The following CSMD1 variants were observed in gnomAD, a reference collection of about 807,000 sequenced individuals.
The protein encoded by CSMD1 is CUB and Sushi multiple domains 1, also known as CUB and sushi domain-containing protein 1.
Under a neutral mutation model 417.5 loss-of-function variants are expected in CSMD1, and 213 were observed. The ratio of observed to expected loss-of-function variants is 0.51; its 90% CI spans 0.46 to 0.57. CSMD1 has a LOEUF of 0.57. Ranked by LOEUF, CSMD1 falls within the 20% of genes least tolerant of loss-of-function variation. The pLI is 0.00. For missense variants in CSMD1, 6,923 were observed against 4,529.7 expected (o/e 1.53, Z -15.17); for synonymous variants, 2,862 against 1,736.8 (o/e 1.65, Z -16.11).
At chr8:4,802,360 T>TGC (rs1298214330) in intron 1 of CSMD1, among the ~76,000 whole-genome samples, 5 of 151,744 alleles carry the variant, frequency 3.3e-5, no homozygotes, top group Admixed American at 2.6e-4. Context: ...CGCGTGTGTG[T>TGC]GTGTGTGTGT....
intron 3 of CSMD1, among the ~76,000 whole-genome samples, chr8:4,330,589 C>CAAAAAA (rs34787742): frequency 2.1e-5 from 3 of 143,654 alleles, no homozygotes; most frequent in Admixed American, 6.9e-5. Flanking sequence ...AACCCTGTCT[C>CAAAAAA]AAAAAAAAAA....
At chr8:4,054,916 G>A (rs971357336) in intron 3 of CSMD1, among the ~76,000 whole-genome samples, 29 of 152,046 alleles carry the variant, frequency 1.9e-4, no homozygotes, top group Non-Finnish European at 2.9e-4. Context: ...GAGCTCTGGG[G>A]TTTCTCTTTT....
intron 26 of CSMD1, among the ~76,000 whole-genome samples, chr8:3,244,763 TA>T (rs1436656971): frequency 6.6e-6 from 1 of 152,170 alleles, no homozygotes; most frequent in Admixed American, 6.5e-5. Context: ...TATAAAGTAA[TA>T]AGCGGAAATC....
At chr8:3,934,884 T>C (rs1810378552) in intron 5 of CSMD1, among the ~76,000 whole-genome samples, 1 of 151,956 alleles carries the variant, frequency 6.6e-6, no homozygotes, top group Non-Finnish European at 1.5e-5. Context: ...AAACAATTGG[T>C]ATATCTGTTT....
chr8:4,633,980 C>A (rs13261335), intron 2 of CSMD1, among the ~76,000 whole-genome samples: 28,368 of 148,594 alleles, frequency 0.19, 2,832 homozygotes, highest in Non-Finnish European at 0.22. Flanking sequence ...AAAACAGCAA[C>A]CACCTGACAG....
At chr8:3,595,285 G>C (rs1287133975) in intron 8 of CSMD1, among the ~76,000 whole-genome samples, 1 of 152,186 alleles carries the variant, frequency 6.6e-6, no homozygotes, top group Non-Finnish European at 1.5e-5. Flanking sequence ...GACTTGCTCA[G>C]CATTCCAGAA....
chr8:4,052,130 G>A (rs1461924896), intron 3 of CSMD1, among the ~76,000 whole-genome samples: 3 of 151,870 alleles, frequency 2.0e-5, no homozygotes, highest in Non-Finnish European at 2.9e-5. Flanking sequence ...TCACCATGTT[G>A]GTCAGGGTGG....
At chr8:3,296,182 G>C (rs991314187) in intron 25 of CSMD1, among the ~76,000 whole-genome samples, 25 of 152,126 alleles carry the variant, frequency 1.6e-4, no homozygotes, top group African/African-American at 5.8e-4. Context: ...AGTATTAAAT[G>C]GGGTGGTTAG....
intron 41 of CSMD1, chr8:3,128,597 G>C (rs1036135050): frequency 1.6e-5 from 5 of 310,290 alleles, no homozygotes; most frequent in South Asian, 1.1e-4. Context: ...TCAGAGTTAA[G>C]TGTCATCTTA....
At chr8:3,073,529 G>T (rs1300486629) in intron 49 of CSMD1, among the ~76,000 whole-genome samples, 1 of 152,138 alleles carries the variant, frequency 6.6e-6, no homozygotes, top group African/African-American at 2.4e-5. Flanking sequence ...TAGAAAATTA[G>T]TAGCTCTATG....
At chr8:3,579,530 A>G (rs1800293693) in intron 9 of CSMD1, among the ~76,000 whole-genome samples, 1 of 152,130 alleles carries the variant, frequency 6.6e-6, no homozygotes, top group Non-Finnish European at 1.5e-5. Flanking sequence ...TGGATAGCCT[A>G]TTTCTCATAT....
intron 42 of CSMD1, among the ~76,000 whole-genome samples, chr8:3,116,438 T>G (rs1299689492): frequency 3.9e-5 from 6 of 152,188 alleles, no homozygotes; most frequent in African/African-American, 1.4e-4. Flanking sequence ...CCCTCCCTGT[T>G]AAAACCATAA....
chr8:3,203,711 T>G (rs1214357671), intron 31 of CSMD1, among the ~76,000 whole-genome samples: 1 of 151,946 alleles, frequency 6.6e-6, no homozygotes, highest in Admixed American at 6.6e-5. Flanking sequence ...ATAACAGGAG[T>G]GACTAAGGAT....
intron 6 of CSMD1, among the ~76,000 whole-genome samples, chr8:3,718,802 T>G (rs144126443): frequency 5.3e-5 from 8 of 152,262 alleles, no homozygotes; most frequent in Admixed American, 2.0e-4. Flanking sequence ...ATCACGTATT[T>G]CCCTGTGATT....
At position 4,304,951 on chromosome 8, in the gene CSMD1, G is replaced by A. The variant is rs541041820; in HGVS notation, c.415+115002C>T. ...AACAAGTACTCTTTTATCAGGCTGTGGTATTTGCTACACTAACGTCTGGAT... is the reference window on the plus strand; with the variant it reads ...AACAAGTACTCTTTTATCAGGCTGTAGTATTTGCTACACTAACGTCTGGAT... On this transcript the variant is annotated intron_variant, in intron 3 of 69. Transcript: ENST00000635120. 2.0e-5 allele frequency among the ~76,000 whole-genome samples: 3 copies of A among 152,166 alleles called. No homozygotes were observed. The South Asian group carries it at 6.2e-4, about 32-fold the overall frequency.
intron 5 of CSMD1, among the ~76,000 whole-genome samples, chr8:3,845,726 T>G (rs565451342): frequency 6.6e-4 from 100 of 152,328 alleles, no homozygotes; most frequent in African/African-American, 2.3e-3. Context: ...TGATTTTTCA[T>G]CTTTTTTACT....
intron 3 of CSMD1, among the ~76,000 whole-genome samples, chr8:4,308,008 T>C (rs1798343287): frequency 6.6e-6 from 1 of 152,030 alleles, no homozygotes; most frequent in African/African-American, 2.4e-5. Context: ...ATGTAAACAG[T>C]GATGGTGGGC....
At chr8:3,619,928 C>A (rs763064564) in intron 7 of CSMD1, among the ~76,000 whole-genome samples, 6 of 152,052 alleles carry the variant, frequency 3.9e-5, no homozygotes, top group Admixed American at 2.0e-4. Flanking sequence ...ATAGTGAAAC[C>A]CCATTTCTAC....
In CSMD1 at chr8:4,261,806, C is replaced by T. The variant is rs147573706; in HGVS notation, c.415+158147G>A. ...TAGTTTGATAATGGTAATCATTTCT[C>T]AATATATCACATTATATACCTTATA... On this transcript the variant is annotated intron_variant, in intron 3 of 69. Transcript: ENST00000635120. 5.7e-3 allele frequency among the ~76,000 whole-genome samples: 872 copies of T among 152,114 alleles called. 8 individuals are homozygous for T. Among genetic ancestry groups the T allele is most frequent in the African/African-American group, 0.02 (835 of 41,480 alleles).
Sources: allele counts gnomAD v4.1 joint callset (sites outside exome capture counted in the v4.1 genomes callset), GRCh38; gene constraint gnomAD v4.1.1; transcripts MANE v1.5; gene names NCBI Gene and HGNC (gene_info 2026-07-23, HGNC 2026-07-21).